LINGO2: variants seen among roughly 807,000 people sequenced by gnomAD.
The protein encoded by LINGO2 is leucine rich repeat and Ig domain containing 2, also known as leucine-rich repeat and immunoglobulin-like domain-containing nogo receptor-interacting protein 2.
LINGO2 carries 14 observed loss-of-function variants against 30.6 expected under a neutral mutation model. That is an observed-to-expected ratio of 0.46 (90% CI 0.30 to 0.72). The LOEUF (loss-of-function observed/expected upper bound fraction) is 0.72. LINGO2 is among the 30% of genes least tolerant of loss of function. The pLI is 0.07. For synonymous variants in LINGO2, 317 were observed against 288.5 expected (o/e 1.10, Z -1.00); for missense variants, 729 against 751.7 (o/e 0.97, Z 0.35).
chr9:28,205,939 T>G (rs1362582498), intron 4 of LINGO2, among the ~76,000 whole-genome samples: 1 of 151,866 alleles, frequency 6.6e-6, no homozygotes, highest in Non-Finnish European at 1.5e-5. Flanking sequence ...TCCCAGCACT[T>G]TGGGAGGCCG....
chr9:28,180,753 A>C (rs1199264919), intron 4 of LINGO2, among the ~76,000 whole-genome samples: 1 of 152,178 alleles, frequency 6.6e-6, no homozygotes, highest in Non-Finnish European at 1.5e-5. Flanking sequence ...TCATTTTTAA[A>C]AATGTCCTCT....
intron 4 of LINGO2, among the ~76,000 whole-genome samples, chr9:28,289,486 C>A (rs1040625873): frequency 2.0e-5 from 3 of 152,124 alleles, no homozygotes; most frequent in Admixed American, 1.3e-4. Context: ...TTTCCCCATA[C>A]TTATGACTTA....
chr9:28,511,356 A>T (rs1820377605), intron 1 of LINGO2, among the ~76,000 whole-genome samples: 1 of 152,136 alleles, frequency 6.6e-6, no homozygotes, highest in South Asian at 2.1e-4. Flanking sequence ...TGCCATATTG[A>T]GGGCTCAGTG....
downstream of LINGO2, among the ~76,000 whole-genome samples, chr9:27,945,025 G>A (rs536236235): frequency 3.3e-5 from 5 of 152,190 alleles, no homozygotes; most frequent in African/African-American, 9.6e-5. Flanking sequence ...ATATCTTTAT[G>A]TTTGGTCTTA....
At chr9:28,848,407 A>ATATATATATATATACTGTATATAG in the LINGO2 span, among the ~76,000 whole-genome samples, 17 of 113,454 alleles carry the variant, frequency 1.5e-4, no homozygotes, top group Non-Finnish European at 2.9e-4. Context: ...GTATATATAT[A>ATATATATATATATACTGTATATAG]TATATATATA....
the LINGO2 span, among the ~76,000 whole-genome samples, chr9:28,770,166 A>G: frequency 6.6e-6 from 1 of 152,026 alleles, no homozygotes; most frequent in Non-Finnish European, 1.5e-5. Flanking sequence ...CTTCCGTTCA[A>G]TTTTGAGAAT....
intron 1 of LINGO2, among the ~76,000 whole-genome samples, chr9:28,527,668 C>T (rs765844678): frequency 5.9e-5 from 9 of 152,272 alleles, no homozygotes; most frequent in Non-Finnish European, 1.3e-4. Context: ...CGACATACCC[C>T]TGCTCTGTGC....
intron 2 of LINGO2, among the ~76,000 whole-genome samples, 179 bp from the exon 5 acceptor site, chr9:28,373,047 T>C (rs1331874): frequency 0.78 from 119,080 of 151,970 alleles, 47,897 homozygotes; most frequent in Middle Eastern, 0.9. Flanking sequence ...TTTTCTCCTA[T>C]ATTGTTTTTA....
intron 3 of LINGO2, among the ~76,000 whole-genome samples, chr9:28,368,407 A>C (rs1231807492): frequency 6.6e-6 from 1 of 152,104 alleles, no homozygotes; most frequent in Non-Finnish European, 1.5e-5. Flanking sequence ...TGAGTTCTTT[A>C]GTCTCCAGAG....
the LINGO2 span, among the ~76,000 whole-genome samples, chr9:29,203,220 CTACTT>C: frequency 1.3e-5 from 2 of 152,062 alleles, no homozygotes; most frequent in Non-Finnish European, 2.9e-5. Flanking sequence ...TACCATCAAT[CTACTT>C]TAGTTAGATA....
intron 4 of LINGO2, among the ~76,000 whole-genome samples, chr9:28,199,186 C>T (rs1419779798): frequency 6.6e-6 from 1 of 152,106 alleles, no homozygotes; most frequent in Admixed American, 6.5e-5. Context: ...TATCTTTATT[C>T]CCATTGCCTC....
chr9:27,991,058 G>A (rs561063270), intron 5 of LINGO2, among the ~76,000 whole-genome samples: 3 of 151,896 alleles, frequency 2.0e-5, no homozygotes, highest in Admixed American at 1.3e-4. Context: ...ATACTATACC[G>A]AAAAGCCAAC....
intron 5 of LINGO2, among the ~76,000 whole-genome samples, chr9:27,998,258 A>C (rs1587650005): frequency 6.6e-6 from 1 of 152,130 alleles, no homozygotes; most frequent in African/African-American, 2.4e-5. Flanking sequence ...TTCAGCCTCC[A>C]CCTGACTCTT....
At chr9:28,056,728 T>G (rs1824954115) in intron 4 of LINGO2, among the ~76,000 whole-genome samples, 1 of 152,200 alleles carries the variant, frequency 6.6e-6, no homozygotes, top group African/African-American at 2.4e-5. Flanking sequence ...GGCTTAAGCT[T>G]GACTTTTACT....
chr9:28,550,257 T>G lies in LINGO2; in HGVS notation c.-364-74232A>C, dbSNP rs529829385. On this transcript the variant is annotated intron_variant, in intron 1 of 5. Coordinates refer to ENST00000379992, the Ensembl canonical transcript of LINGO2. ...TATTCCAACATACACATGGGATCTTTTCATTCTCTCATTTTATGTGCTATG... is the reference window on the plus strand; with the variant it reads ...TATTCCAACATACACATGGGATCTTGTCATTCTCTCATTTTATGTGCTATG... Among the ~76,000 whole-genome samples the G allele has an allele frequency of 7.9e-5, 12 of 151,946 alleles. 1 individual carries two copies. The South Asian group carries it at 2.5e-3, about 31-fold the overall frequency.
At chr9:29,169,419 C>G in the LINGO2 span, among the ~76,000 whole-genome samples, 2 of 151,536 alleles carry the variant, frequency 1.3e-5, no homozygotes, top group Non-Finnish European at 2.9e-5. Context: ...GGAAAGAACT[C>G]AAACAACTCA....
At chr9:29,203,128 G>A in the LINGO2 span, among the ~76,000 whole-genome samples, 2 of 151,998 alleles carry the variant, frequency 1.3e-5, no homozygotes, top group Non-Finnish European at 2.9e-5. Flanking sequence ...AATAAGGTAA[G>A]ATCAGGAACT....
exon 6 of LINGO2, chr9:27,948,095 G>A (rs1234774025): frequency 6.6e-6 from 1 of 152,122 alleles, no homozygotes; most frequent in African/African-American, 2.4e-5. Context: ...TCAAAACTAG[G>A]CACATGCCTT....
At chr9:28,415,720 A>C (rs1025314167) in intron 2 of LINGO2, among the ~76,000 whole-genome samples, 2 of 152,150 alleles carry the variant, frequency 1.3e-5, no homozygotes, top group Admixed American at 1.3e-4. Context: ...CTTAGTTTTT[A>C]ATTATTTTAT....
Sources: allele counts gnomAD v4.1 joint callset (sites outside exome capture counted in the v4.1 genomes callset), GRCh38; gene constraint gnomAD v4.1.1; transcripts MANE v1.5; gene names NCBI Gene and HGNC (gene_info 2026-07-23, HGNC 2026-07-21).